TMTC1: variants seen among roughly 807,000 people sequenced by gnomAD.
TMTC1 encodes the protein protein O-mannosyl-transferase TMTC1.
In TMTC1, 73 loss-of-function variants were observed where a neutral mutation model predicts 104.8. That is an observed-to-expected ratio of 0.70 (90% confidence interval 0.58 to 0.85). The LOEUF (loss-of-function observed/expected upper bound fraction) is 0.85, where lower values mean the gene tolerates loss of function less well. Ranked by LOEUF, TMTC1 falls within the 40% of genes least tolerant of loss-of-function variation. TMTC1 has a pLI of 0.00. For synonymous variants in TMTC1, 434 were observed against 428.7 expected (o/e 1.01, Z -0.15); for missense variants, 1,035 against 1,096.1 (o/e 0.94, Z 0.79).
intron 5 of TMTC1, among the ~76,000 whole-genome samples, chr12:29,634,138 T>C (rs908274494): frequency 3.3e-5 from 5 of 152,168 alleles, no homozygotes; most frequent in African/African-American, 1.2e-4. Flanking sequence ...AATGCTTACC[T>C]GAGAAATGCT....
intron 6 of TMTC1, among the ~76,000 whole-genome samples, chr12:29,623,014 C>G (rs557603808): frequency 2.5e-4 from 38 of 152,298 alleles, no homozygotes; most frequent in Middle Eastern, 3.4e-3. Context: ...CTCTCCCACT[C>G]AATTCTGGAC....
rs371146123 is a variant in TMTC1 at position 29,741,454 on chromosome 12, C to T, written c.938+10212G>A. ...AGACTTTCCAGAGAGTATCAAATGACGTGAGGCCAACCAGCTTGTCTCCCT... is the reference window on the plus strand; with the variant it reads ...AGACTTTCCAGAGAGTATCAAATGATGTGAGGCCAACCAGCTTGTCTCCCT... On this transcript the variant is annotated intron_variant, in intron 5 of 17. Transcript: ENST00000539277. 1.6e-3 allele frequency among the ~76,000 whole-genome samples: 249 copies of T among 152,230 alleles called. 11 individuals are homozygous for T. In the South Asian group the frequency reaches 0.048, roughly 29 times the overall value.
At chr12:29,622,052 C>A (rs904864981) in intron 6 of TMTC1, among the ~76,000 whole-genome samples, 2 of 152,052 alleles carry the variant, frequency 1.3e-5, no homozygotes, top group African/African-American at 2.4e-5. Flanking sequence ...CAAATAAAAA[C>A]CAAACCCCTC....
chr12:29,704,455 T>G (rs1452314427), intron 5 of TMTC1, among the ~76,000 whole-genome samples: 1 of 152,204 alleles, frequency 6.6e-6, no homozygotes, highest in African/African-American at 2.4e-5. Context: ...CACAAGGGAA[T>G]AGCCTACCTG....
chr12:29,737,376 G>T (rs1942707145), intron 5 of TMTC1, among the ~76,000 whole-genome samples: 1 of 152,188 alleles, frequency 6.6e-6, no homozygotes, highest in African/African-American at 2.4e-5. Flanking sequence ...AAATTAGCTG[G>T]GCCTGGTGGC....
intron 5 of TMTC1, among the ~76,000 whole-genome samples, chr12:29,649,020 T>A (rs1029338414): frequency 4.6e-5 from 7 of 152,098 alleles, no homozygotes; most frequent in Admixed American, 4.6e-4. Flanking sequence ...GGCCCATCCA[T>A]CCTCCACCTC....
chr12:29,538,968 C>G (rs1197255445), intron 10 of TMTC1, among the ~76,000 whole-genome samples: 1 of 152,170 alleles, frequency 6.6e-6, no homozygotes, highest in Non-Finnish European at 1.5e-5. Context: ...GGCTAACAGA[C>G]ATCACATGCC....
intron 5 of TMTC1, among the ~76,000 whole-genome samples, chr12:29,637,253 T>A (rs1938607559): frequency 6.6e-6 from 1 of 152,224 alleles, no homozygotes; most frequent in Non-Finnish European, 1.5e-5. Context: ...TTCTTTTTAA[T>A]TCTTTCACTA....
intron 5 of TMTC1, among the ~76,000 whole-genome samples, chr12:29,728,691 C>T (rs192882650): frequency 6.6e-5 from 10 of 152,088 alleles, no homozygotes; most frequent in South Asian, 2.1e-4. Flanking sequence ...TTCCCAAAAA[C>T]GTGAAGGCTT....
At chr12:29,531,732 A>C (rs1202761801) in intron 11 of TMTC1, among the ~76,000 whole-genome samples, 1 of 152,166 alleles carries the variant, frequency 6.6e-6, no homozygotes, top group African/African-American at 2.4e-5. Flanking sequence ...TTCTGTTCTC[A>C]GTTTTCTTGA....
intron 5 of TMTC1, among the ~76,000 whole-genome samples, chr12:29,683,300 G>A (rs1253291201): frequency 6.6e-6 from 1 of 152,114 alleles, no homozygotes; most frequent in Non-Finnish European, 1.5e-5. Context: ...TAGAAACTCT[G>A]ACTTTTAAAA....
chr12:29,669,879 C>T (rs1489708363), intron 5 of TMTC1, among the ~76,000 whole-genome samples: 1 of 152,154 alleles, frequency 6.6e-6, no homozygotes, highest in Non-Finnish European at 1.5e-5. Context: ...GTGGGCAGAA[C>T]AGAGAGAACT....
chr12:29,613,502 C>T (rs554460347), intron 6 of TMTC1, among the ~76,000 whole-genome samples: 28 of 152,288 alleles, frequency 1.8e-4, no homozygotes, highest in African/African-American at 5.8e-4. Flanking sequence ...ATGACTGTGG[C>T]ACAAGTAATG....
chr12:29,658,882 G>C (rs1183013034), intron 5 of TMTC1: 1 of 152,208 alleles, frequency 6.6e-6, no homozygotes, highest in Admixed American at 6.5e-5. Context: ...AACATATTCT[G>C]AAGGAAGGTA....
chr12:29,527,986 ATCTG>A (rs1272600218), intron 11 of TMTC1, among the ~76,000 whole-genome samples: 2 of 152,290 alleles, frequency 1.3e-5, no homozygotes, highest in East Asian at 1.9e-4. Context: ...GGTCTTTAAG[ATCTG>A]TCTTTCTATT....
At chr12:29,541,936 C>T (rs1296360011) in intron 10 of TMTC1, among the ~76,000 whole-genome samples, 1 of 152,306 alleles carries the variant, frequency 6.6e-6, no homozygotes, top group South Asian at 2.1e-4. Context: ...GGATTACAGG[C>T]ATGAGCCACC....
At chr12:29,709,912 T>C (rs1039979145) in intron 5 of TMTC1, among the ~76,000 whole-genome samples, 1 of 152,166 alleles carries the variant, frequency 6.6e-6, no homozygotes, top group Non-Finnish European at 1.5e-5. Context: ...AAGCCTAAAG[T>C]GCTTTCCAAT....
intron 5 of TMTC1, among the ~76,000 whole-genome samples, chr12:29,746,000 G>A (rs908579925): frequency 4.6e-5 from 7 of 152,160 alleles, no homozygotes; most frequent in Non-Finnish European, 8.8e-5. Flanking sequence ...AGCAAGGGAA[G>A]CAAGGAAAAA....
chr12:29,629,053 C>T (rs1275197642), intron 6 of TMTC1, among the ~76,000 whole-genome samples: 2 of 152,012 alleles, frequency 1.3e-5, no homozygotes, highest in Non-Finnish European at 2.9e-5. Context: ...GGCACGGTGG[C>T]TCACATCTGT....
Sources: allele counts gnomAD v4.1 joint callset (sites outside exome capture counted in the v4.1 genomes callset), GRCh38; gene constraint gnomAD v4.1.1; transcripts MANE v1.5; gene names NCBI Gene and HGNC (gene_info 2026-07-23, HGNC 2026-07-21).